Variants in LDLRAD3 observed in about 807,000 individuals in gnomAD.
LDLRAD3 encodes the protein low-density lipoprotein receptor class A domain-containing protein 3.
LDLRAD3 carries 20 observed loss-of-function variants against 29.4 expected under a neutral mutation model. The ratio of observed to expected loss-of-function variants is 0.68; its 90% CI spans 0.48 to 0.99. The LOEUF (loss-of-function observed/expected upper bound fraction) is 0.99, where lower values mean the gene tolerates loss of function less well. Ranked by LOEUF, LDLRAD3 falls within the 50% of genes least tolerant of loss-of-function variation. The pLI, the probability that LDLRAD3 is intolerant of heterozygous loss-of-function variation, is 0.00. For synonymous variants in LDLRAD3, 157 were observed against 192.7 expected (o/e 0.81, Z 1.53); for missense variants, 420 against 454.3 (o/e 0.92, Z 0.69).
At chr11:36,128,285 A>G (rs1190851156) in intron 4 of LDLRAD3, among the ~76,000 whole-genome samples, 1 of 152,000 alleles carries the variant, frequency 6.6e-6, no homozygotes, top group Non-Finnish European at 1.5e-5. Flanking sequence ...AGGGACAGGG[A>G]GCTCCTCTGC....
At chr11:36,094,126 G>T (rs1424950889) in intron 3 of LDLRAD3, among the ~76,000 whole-genome samples, 1 of 152,296 alleles carries the variant, frequency 6.6e-6, no homozygotes, top group South Asian at 2.1e-4. Context: ...GGTTTCACCG[G>T]GGACTCGCCC....
intron 2 of LDLRAD3, among the ~76,000 whole-genome samples, chr11:36,041,230 C>T (rs560508130): frequency 6.6e-6 from 1 of 152,380 alleles, no homozygotes; most frequent in African/African-American, 2.4e-5. Context: ...CTAGGCCACA[C>T]TATCCCAGGC....
intron 4 of LDLRAD3, among the ~76,000 whole-genome samples, chr11:36,165,730 C>T (rs1389656703): frequency 1.3e-5 from 2 of 151,594 alleles, no homozygotes; most frequent in Admixed American, 6.6e-5. Flanking sequence ...AAACTTCTCA[C>T]CTCCCCCTCC....
intron 4 of LDLRAD3, chr11:36,197,295 T>C (rs1855048492): frequency 6.6e-6 from 1 of 152,326 alleles, no homozygotes; most frequent in South Asian, 2.1e-4. Flanking sequence ...TTCAGGATTG[T>C]AAAAAGGAAT....
At chr11:36,052,218 A>G (rs1852539362) in intron 2 of LDLRAD3, among the ~76,000 whole-genome samples, 1 of 152,222 alleles carries the variant, frequency 6.6e-6, no homozygotes, top group African/African-American at 2.4e-5. Flanking sequence ...TGGTGGCCTC[A>G]AAAGCAAACT....
At chr11:36,216,010 G>A (rs11605921) in intron 4 of LDLRAD3, among the ~76,000 whole-genome samples, 9,819 of 152,252 alleles carry the variant, frequency 0.064, 419 homozygotes, top group East Asian at 0.18. Flanking sequence ...AATGTAAGAC[G>A]CGGCAGAGTG....
chr11:36,166,880 A>G (rs960488285), intron 4 of LDLRAD3, among the ~76,000 whole-genome samples: 1 of 152,180 alleles, frequency 6.6e-6, no homozygotes, highest in Non-Finnish European at 1.5e-5. Context: ...TCCAAGCACC[A>G]TTTGAATAGC....
At chr11:36,100,325 A>G (rs1853427479) in intron 4 of LDLRAD3, among the ~76,000 whole-genome samples, 1 of 152,232 alleles carries the variant, frequency 6.6e-6, no homozygotes, top group Admixed American at 6.5e-5. Context: ...ATAAAACCAA[A>G]CATGCCAATG....
At chr11:36,092,523 C>T (rs1398842329) in intron 3 of LDLRAD3, among the ~76,000 whole-genome samples, 2 of 152,132 alleles carry the variant, frequency 1.3e-5, no homozygotes, top group African/African-American at 4.8e-5. Context: ...TTCCTCCCTT[C>T]CCCCTGCTCA....
At chr11:36,069,692 C>T (rs1243727296) in intron 2 of LDLRAD3, among the ~76,000 whole-genome samples, 1 of 151,178 alleles carries the variant, frequency 6.6e-6, no homozygotes, top group Non-Finnish European at 1.5e-5. Context: ...ATATGAGAAG[C>T]TTGTTCATAC....
intron 4 of LDLRAD3, among the ~76,000 whole-genome samples, chr11:36,211,919 A>G (rs1401950886): frequency 6.6e-6 from 1 of 152,200 alleles, no homozygotes; most frequent in Non-Finnish European, 1.5e-5. Flanking sequence ...GGCAGGCTCA[A>G]TAAACTATTG....
intron 4 of LDLRAD3, among the ~76,000 whole-genome samples, chr11:36,132,850 C>T (rs1853946317): frequency 1.3e-5 from 2 of 152,216 alleles, no homozygotes; most frequent in Non-Finnish European, 1.5e-5. Context: ...AAGAGCACCA[C>T]GTTAGTCAGC....
At chr11:36,108,277 G>A (rs1468138246) in intron 4 of LDLRAD3, among the ~76,000 whole-genome samples, 6 of 120,606 alleles carry the variant, frequency 5.0e-5, no homozygotes, top group Admixed American at 4.9e-4. Flanking sequence ...CCGAGATCGC[G>A]CCATTGCACT....
intron 4 of LDLRAD3, among the ~76,000 whole-genome samples, chr11:36,152,146 A>G (rs1019700078): frequency 6.6e-6 from 1 of 152,190 alleles, no homozygotes; most frequent in Non-Finnish European, 1.5e-5. Flanking sequence ...TTTCCCTCCA[A>G]CACACACTTT....
chr11:36,029,359 A>G (rs1408390563), intron 1 of LDLRAD3, among the ~76,000 whole-genome samples: 2 of 151,904 alleles, frequency 1.3e-5, no homozygotes, highest in African/African-American at 4.8e-5. Context: ...TGCTATCTTG[A>G]GGGCTGTTAA....
intron 4 of LDLRAD3, among the ~76,000 whole-genome samples, chr11:36,203,640 T>G (rs1855159718): frequency 6.6e-6 from 1 of 152,184 alleles, no homozygotes; most frequent in African/African-American, 2.4e-5. Flanking sequence ...TGAGATGATA[T>G]TTGGATACTT....
chr11:36,001,729 G>A (rs1239668125), intron 1 of LDLRAD3, among the ~76,000 whole-genome samples: 1 of 150,920 alleles, frequency 6.6e-6, no homozygotes, highest in African/African-American at 2.4e-5. Flanking sequence ...GAAAATGTTG[G>A]CATAGTATTC....
chr11:35,960,996 G>T (rs1252683967), intron 1 of LDLRAD3, among the ~76,000 whole-genome samples: 1 of 152,216 alleles, frequency 6.6e-6, no homozygotes, highest in Non-Finnish European at 1.5e-5. Context: ...TAATGGATGG[G>T]GAACCCCAAG....
At chr11:35,945,927 A>AC (rs1851051341) in intron 1 of LDLRAD3, among the ~76,000 whole-genome samples, 1 of 152,200 alleles carries the variant, frequency 6.6e-6, no homozygotes. Flanking sequence ...CAAGGAGCAG[A>AC]CGGATAGGGG....
Sources: allele counts gnomAD v4.1 joint callset (sites outside exome capture counted in the v4.1 genomes callset), GRCh38; gene constraint gnomAD v4.1.1; transcripts MANE v1.5; gene names NCBI Gene and HGNC (gene_info 2026-07-23, HGNC 2026-07-21).